The following PTPN14 variants were observed in gnomAD, a reference collection of about 807,000 sequenced individuals.
PTPN14 encodes the protein protein tyrosine phosphatase non-receptor type 14, also known as tyrosine-protein phosphatase non-receptor type 14.
Under a neutral mutation model 126.8 loss-of-function variants are expected in PTPN14, and 53 were observed. That is an observed-to-expected ratio of 0.42 (90% CI 0.34 to 0.53). The LOEUF is 0.53. PTPN14 is among the 20% of genes least tolerant of loss of function. PTPN14 has a pLI of 0.08. For synonymous variants in PTPN14, 630 were observed against 599.3 expected (o/e 1.05, Z -0.75); for missense variants, 1,257 against 1,552.9 (o/e 0.81, Z 3.20).
chr1:214,505,051 C>T (rs80017205), intron 1 of PTPN14, among the ~76,000 whole-genome samples: 3,031 of 152,118 alleles, frequency 0.02, 96 homozygotes, highest in African/African-American at 0.069. Flanking sequence ...GTTTAAGATA[C>T]TTGTGGCCAG....
At chr1:214,525,769 C>T (rs1056801824) in intron 1 of PTPN14, among the ~76,000 whole-genome samples, 1 of 152,084 alleles carries the variant, frequency 6.6e-6, no homozygotes, top group Non-Finnish European at 1.5e-5. Context: ...ACCAAAATAG[C>T]TAATTAGTGA....
chr1:214,439,344 C>T (rs1296961333), intron 3 of PTPN14, among the ~76,000 whole-genome samples: 2 of 152,166 alleles, frequency 1.3e-5, no homozygotes, highest in African/African-American at 4.8e-5. Flanking sequence ...TCACATTAGT[C>T]ACTGTCATAA....
chr1:214,374,462 C>T (rs1658294766), intron 15 of PTPN14, among the ~76,000 whole-genome samples: 1 of 152,186 alleles, frequency 6.6e-6, no homozygotes, highest in Non-Finnish European at 1.5e-5. Context: ...CTGCTGCTGC[C>T]TGGGGCCTTT....
At chr1:214,497,285 A>G (rs896218250) in intron 1 of PTPN14, among the ~76,000 whole-genome samples, 1 of 152,236 alleles carries the variant, frequency 6.6e-6, no homozygotes, top group Non-Finnish European at 1.5e-5. Flanking sequence ...GCTAAGAAGC[A>G]TATGAAGACA....
At chr1:214,544,065 G>C (rs1655908764) in intron 1 of PTPN14, among the ~76,000 whole-genome samples, 1 of 152,104 alleles carries the variant, frequency 6.6e-6, no homozygotes, top group Admixed American at 6.5e-5. Flanking sequence ...GAGGAGATAG[G>C]AAGGTAAACA....
At chr1:214,393,607 A>G in intron 10 of PTPN14, 88 bp downstream of exon 10, 1 of 1,056,000 alleles carries the variant, frequency 9.5e-7, no homozygotes, top group Non-Finnish European at 1.4e-6. Flanking sequence ...AAAAGAGTGA[A>G]TAGGAAAAGA....
chr1:214,407,493 C>T (rs553394242), intron 5 of PTPN14, among the ~76,000 whole-genome samples: 162 of 146,682 alleles, frequency 1.1e-3, no homozygotes, highest in Non-Finnish European at 2.1e-3. Context: ...GAAACTCTGT[C>T]TCAAAAAAAA....
At chr1:214,512,769 G>A (rs969848124) in intron 1 of PTPN14, among the ~76,000 whole-genome samples, 4 of 152,104 alleles carry the variant, frequency 2.6e-5, no homozygotes, top group East Asian at 3.9e-4. Context: ...TTGGCTCACT[G>A]CAACCTCTCT....
chr1:214,386,511 GCTTT>G (rs1349591291), intron 12 of PTPN14, among the ~76,000 whole-genome samples: 2 of 152,232 alleles, frequency 1.3e-5, no homozygotes, highest in African/African-American at 4.8e-5. Flanking sequence ...ACTGCCACGA[GCTTT>G]CTGATACTGG....
chr1:214,402,274 C>T (rs983775940), intron 6 of PTPN14, among the ~76,000 whole-genome samples: 54 of 151,550 alleles, frequency 3.6e-4, no homozygotes, highest in Admixed American at 3.4e-3. Flanking sequence ...CCCATCTCCA[C>T]TAAAAATACA....
Position 214,369,671 on chromosome 1 carries a change from G to A in PTPN14, c.3057C>T (p.Ser1019=). The stretch of plus-strand genomic sequence containing the variant: ...AACCTAGTTTGGGCCAGTATCGGTG[G>A]CTTTTGGTTCGTCCACCCTCCTAAA... ...TAEEEGGRTK[S]HRYWPKLGSK... Residue 1019 remains serine, a synonymous_variant, in exon 17 of 19, where the codon AGC becomes AGT. Coordinates refer to ENST00000366956, the MANE Select transcript of PTPN14 (RefSeq NM_005401.5). 1.2e-6 allele frequency: 2 copies of A among 1,614,166 alleles called. No individual in the cohort carries two copies. The highest frequency in any genetic ancestry group is 1.7e-5 in the Admixed American group (1 of 60,022).
intron 1 of PTPN14, among the ~76,000 whole-genome samples, chr1:214,468,566 A>G (rs1660690352): frequency 6.6e-6 from 1 of 152,140 alleles, no homozygotes; most frequent in South Asian, 2.1e-4. Context: ...AACAAAAAAA[A>G]GAAAAGAAAA....
At chr1:214,497,496 G>C (rs934392394) in intron 1 of PTPN14, among the ~76,000 whole-genome samples, 1 of 152,144 alleles carries the variant, frequency 6.6e-6, no homozygotes, top group East Asian at 1.9e-4. Context: ...ATAGCATTTA[G>C]CCCAGTCATT....
At position 214,384,195 on chromosome 1, in the gene PTPN14, T is replaced by C. The variant is rs759213710; in HGVS notation, c.1660A>G (p.Ser554Gly). Residue 554 changes from serine (S) to glycine (G), a missense_variant, in exon 13 of 19, where the codon AGC becomes GGC. Physicochemically the swap from Ser to Gly is moderately conservative, Grantham distance 56. This residue lies in a region of PTPN14 where 1,021 missense variants were observed against 1,183.3 expected (regional missense o/e 0.86). Transcript: ENST00000366956. The surrounding 1 kb of genome is among the most constrained non-coding windows in gnomAD (Gnocchi z 5.3). Reference protein sequence around the residue: ...NMQLQGSHNYSTAHMLKNYLF... With the variant: ...NMQLQGSHNYGTAHMLKNYLF... ...TAGTTCTTAAGCATGTGGGCCGTGC[T>C]GTAGTTATGGCTGCCCTGCAGCTGC... 1.4e-5 allele frequency: 23 copies of C among 1,610,572 alleles called. No individual in the cohort carries two copies. Among genetic ancestry groups the C allele is most frequent in the Non-Finnish European group, 1.8e-5 (21 of 1,178,938 alleles).
At chr1:214,400,950 G>A (rs1659000966) in intron 7 of PTPN14, among the ~76,000 whole-genome samples, 1 of 152,176 alleles carries the variant, frequency 6.6e-6, no homozygotes, top group South Asian at 2.1e-4. Context: ...GGAGTGAAAT[G>A]TTTGTGCTGA....
At chr1:214,452,842 C>T in intron 2 of PTPN14, among the ~76,000 whole-genome samples, 1 of 152,148 alleles carries the variant, frequency 6.6e-6, no homozygotes, top group East Asian at 1.9e-4. Flanking sequence ...TCTTTTATAT[C>T]TCAATTATAG....
Position 214,383,416 on chromosome 1 carries a change from C to T in PTPN14, c.2439G>A (p.Leu813=), listed in dbSNP as rs1288383733. 1.2e-6 allele frequency: 2 copies of T among 1,614,156 alleles called. No individual in the cohort carries two copies. Among genetic ancestry groups the T allele is most frequent in the African/African-American group, 2.7e-5 (2 of 74,950 alleles). Residue 813 remains leucine, a synonymous_variant, in exon 13 of 19, where the codon CTG becomes CTA. Transcript: ENST00000366956. The surrounding 1 kb of genome is among the most constrained non-coding windows in gnomAD (Gnocchi z 4.4). ...SLGPSISEPD[L]TSVKERVKKE... is the part of the protein sequence containing the mutation. Reference sequence around the variant, plus strand: ...TTTTGACCCGCTCCTTCACACTAGTCAGGTCGGGTTCCGAGATGGATGGGC... The same window carrying T: ...TTTTGACCCGCTCCTTCACACTAGTTAGGTCGGGTTCCGAGATGGATGGGC...
intron 1 of PTPN14, among the ~76,000 whole-genome samples, chr1:214,471,042 AAAC>A (rs1435409580): frequency 8.0e-6 from 1 of 124,946 alleles, no homozygotes; most frequent in Non-Finnish European, 1.8e-5. Flanking sequence ...AAAAAAAACA[AAAC>A]AAAAAAACAA....
chr1:214,383,918 A>T lies in PTPN14; in HGVS notation c.1937T>A (p.Met646Lys). 6.2e-7 allele frequency: 1 copy of T among 1,613,428 alleles called. No individual in the cohort carries two copies. Among genetic ancestry groups the T allele is most frequent in the Non-Finnish European group, 8.5e-7 (1 of 1,179,992 alleles). The change falls in exon 13 of 19, where the codon ATG becomes AAG. Residue 646 changes from methionine to lysine, a missense_variant. This residue lies in a region of PTPN14 where 1,021 missense variants were observed against 1,183.3 expected (regional missense o/e 0.86). Transcript: ENST00000366956. The surrounding 1 kb of genome is among the most constrained non-coding windows in gnomAD (Gnocchi z 4.4). The stretch of plus-strand genomic sequence containing the variant: ...CTCCATGCCCCGCACCATGCTGTTC[A>T]TCACCTCCAGGCTGTGGCGCTTGTT... ...TVNKRHSLEV[M>K]NSMVRGMEAM...
Sources: gnomAD v4.1 joint callset for allele counts (sites outside exome capture counted in the v4.1 genomes callset) on GRCh38, gnomAD v4.1.1 for gene constraint, gnomAD v4.1.1 regional missense constraint, Gnocchi (gnomAD v3.1) non-coding constraint, MANE v1.5 for transcripts, NCBI Gene and HGNC (gene_info 2026-07-23, HGNC 2026-07-21) for gene names.